The following ADAMTSL1 variants were observed in gnomAD, a reference collection of about 807,000 sequenced individuals.
ADAMTSL1 encodes the protein ADAMTS like 1.
A neutral mutation model predicts 201.8 loss-of-function variants in ADAMTSL1; 126 were observed. That is an observed-to-expected ratio of 0.62 (90% CI 0.54 to 0.72). The LOEUF (loss-of-function observed/expected upper bound fraction) is 0.72. Ranked by LOEUF, ADAMTSL1 falls within the 30% of genes least tolerant of loss-of-function variation. The probability of loss-of-function intolerance (pLI) is 0.00; values close to 1 mark genes in which losing one functional copy is unlikely to be tolerated. For synonymous variants in ADAMTSL1, 1,121 were observed against 903.4 expected (o/e 1.24, Z -4.32); for missense variants, 2,679 against 2,277.8 (o/e 1.18, Z -3.59).
chr9:18,063,524 A>T (rs1464690160), intron 1 of ADAMTSL1, among the ~76,000 whole-genome samples: 2 of 152,248 alleles, frequency 1.3e-5, no homozygotes, highest in Non-Finnish European at 2.9e-5. Context: ...GGAAGAGGAC[A>T]CAGAGACATT....
chr9:18,252,389 G>A (rs367654070), intron 2 of ADAMTSL1, among the ~76,000 whole-genome samples: 2 of 152,144 alleles, frequency 1.3e-5, no homozygotes, highest in East Asian at 3.9e-4. Flanking sequence ...TATCCATTGG[G>A]GGTTGGTTCC....
intron 7 of ADAMTSL1, among the ~76,000 whole-genome samples, chr9:18,642,363 A>G (rs1398807010): frequency 6.6e-6 from 1 of 152,054 alleles, no homozygotes; most frequent in Non-Finnish European, 1.5e-5. Context: ...TCAAATATGT[A>G]TACTTTGGGG....
intron 18 of ADAMTSL1, 35 bp from the exon 19 acceptor site, chr9:18,776,746 C>CT: frequency 6.6e-7 from 1 of 1,510,902 alleles, no homozygotes; most frequent in Non-Finnish European, 8.8e-7. Context: ...CTCCCCACCT[C>CT]TTTCTCTGTC....
chr9:17,924,224 G>A (rs939082454), intron 1 of ADAMTSL1, among the ~76,000 whole-genome samples: 1 of 151,944 alleles, frequency 6.6e-6, no homozygotes, highest in Non-Finnish European at 1.5e-5. Flanking sequence ...TTGTACCTCT[G>A]GTAGAATTAG....
chr9:18,497,337 C>T (rs1429465322), intron 1 of ADAMTSL1, among the ~76,000 whole-genome samples: 1 of 128,714 alleles, frequency 7.8e-6, no homozygotes. Flanking sequence ...TCCACTTTTC[C>T]TTTGTAAAAT....
intron 15 of ADAMTSL1, among the ~76,000 whole-genome samples, chr9:18,745,808 C>A (rs1019151684): frequency 3.9e-5 from 6 of 152,180 alleles, no homozygotes; most frequent in Admixed American, 1.3e-4. Context: ...GTAACTCTCT[C>A]CTCTGACAGT....
At chr9:18,249,701 T>C (rs1160658022) in intron 2 of ADAMTSL1, among the ~76,000 whole-genome samples, 1 of 152,244 alleles carries the variant, frequency 6.6e-6, no homozygotes. Context: ...ATTACATTTC[T>C]TGAAAACCCT....
At chr9:18,129,842 G>A (rs990941463) in intron 1 of ADAMTSL1, among the ~76,000 whole-genome samples, 3 of 152,184 alleles carry the variant, frequency 2.0e-5, no homozygotes, top group East Asian at 3.8e-4. Context: ...GAAGTAGCCT[G>A]AGGTCAAGAA....
intron 2 of ADAMTSL1, among the ~76,000 whole-genome samples, chr9:18,248,522 G>A (rs1831346696): frequency 6.6e-6 from 1 of 151,918 alleles, no homozygotes; most frequent in South Asian, 2.1e-4. Flanking sequence ...ACTAGACAGT[G>A]GTGCCCTGTA....
At chr9:18,624,634 C>T (rs1365863813) in intron 5 of ADAMTSL1, among the ~76,000 whole-genome samples, 1 of 152,090 alleles carries the variant, frequency 6.6e-6, no homozygotes, top group Non-Finnish European at 1.5e-5. Context: ...TTCTTGTTCT[C>T]ATAGAGGATC....
intron 1 of ADAMTSL1, among the ~76,000 whole-genome samples, chr9:17,973,735 T>A (rs201742663): frequency 7.1e-6 from 1 of 139,964 alleles, no homozygotes; most frequent in Non-Finnish European, 1.6e-5. Flanking sequence ...GATGGCATTG[T>A]ATCTATAAAT....
chr9:18,566,864 G>A (rs1047055306), intron 3 of ADAMTSL1, among the ~76,000 whole-genome samples: 1 of 152,154 alleles, frequency 6.6e-6, no homozygotes, highest in Non-Finnish European at 1.5e-5. Flanking sequence ...AAGAACGCAG[G>A]CATGACATGA....
intron 2 of ADAMTSL1, among the ~76,000 whole-genome samples, chr9:18,207,016 T>C (rs1361326923): frequency 6.6e-6 from 1 of 151,872 alleles, no homozygotes; most frequent in Non-Finnish European, 1.5e-5. Flanking sequence ...AATACAAAAA[T>C]TAGCTGGGCG....
intron 2 of ADAMTSL1, among the ~76,000 whole-genome samples, chr9:18,523,514 C>A (rs1818834469): frequency 6.6e-6 from 1 of 152,144 alleles, no homozygotes; most frequent in African/African-American, 2.4e-5. Flanking sequence ...GAAGTCCTTG[C>A]CCATGCCTAT....
intron 2 of ADAMTSL1, among the ~76,000 whole-genome samples, chr9:18,290,781 G>GTTTTTTTTTGTTTTTTTTT (rs1587482001): frequency 7.4e-6 from 1 of 135,064 alleles, no homozygotes; most frequent in African/African-American, 3.1e-5. Context: ...TTTTTTGTGT[G>GTTTTTTTTTGTTTTTTTTT]TTTTTTTTTT....
At chr9:18,876,726 T>G (rs1420095566) in intron 23 of ADAMTSL1, among the ~76,000 whole-genome samples, 2 of 152,196 alleles carry the variant, frequency 1.3e-5, no homozygotes, top group African/African-American at 4.8e-5. Flanking sequence ...GATGACTATG[T>G]GCCTAGATGA....
At chr9:18,003,869 T>A (rs1331325161) in intron 1 of ADAMTSL1, among the ~76,000 whole-genome samples, 1 of 151,984 alleles carries the variant, frequency 6.6e-6, no homozygotes, top group Non-Finnish European at 1.5e-5. Flanking sequence ...TTCTTTGGGG[T>A]CAGGTTTTAT....
chr9:18,683,560 T>C (rs963513432), intron 12 of ADAMTSL1, among the ~76,000 whole-genome samples: 5 of 152,180 alleles, frequency 3.3e-5, no homozygotes, highest in African/African-American at 1.2e-4. Context: ...GTTGGAGTAG[T>C]TGTAAAATGA....
intron 2 of ADAMTSL1, among the ~76,000 whole-genome samples, chr9:18,181,457 CG>C (rs1396533801): frequency 6.6e-6 from 1 of 151,720 alleles, no homozygotes; most frequent in Non-Finnish European, 1.5e-5. Context: ...ACAAACAACC[CG>C]ATCAAAAAGT....
Sources: gnomAD v4.1 joint callset for allele counts (sites outside exome capture counted in the v4.1 genomes callset) on GRCh38, gnomAD v4.1.1 for gene constraint, MANE v1.5 for transcripts, NCBI Gene and HGNC (gene_info 2026-07-23, HGNC 2026-07-21) for gene names.